GRAP2: variants seen among roughly 807,000 people sequenced by gnomAD.
GRAP2 encodes the protein GRB2 related adaptor protein 2.
A neutral mutation model predicts 43.5 loss-of-function variants in GRAP2; 31 were observed. That is an observed-to-expected ratio of 0.71 (90% confidence interval 0.54 to 0.96). The LOEUF is 0.96. Among genes scored for constraint, GRAP2 ranks in the 40% least tolerant of loss-of-function variants. The probability of loss-of-function intolerance (pLI) is 0.00; values close to 1 mark genes in which losing one functional copy is unlikely to be tolerated. For missense variants in GRAP2, 371 were observed against 424.4 expected (o/e 0.87, Z 1.11); for synonymous variants, 156 against 164.8 (o/e 0.95, Z 0.41).
At chr22:39,948,620 A>C (rs2066949680) in intron 2 of GRAP2, 1 of 151,682 alleles carries the variant, frequency 6.6e-6, no homozygotes, top group South Asian at 2.1e-4. Context: ...AATTCTCTAC[A>C]CTGGGCGTGC....
intron 3 of GRAP2, among the ~76,000 whole-genome samples, chr22:39,957,488 C>T (rs1259861926): frequency 6.6e-6 from 1 of 152,196 alleles, no homozygotes; most frequent in East Asian, 1.9e-4. Context: ...CTGCAGCTGG[C>T]TGGAAGGAAC....
intron 1 of GRAP2, among the ~76,000 whole-genome samples, chr22:39,936,158 G>A (rs2145615302): frequency 6.6e-6 from 1 of 152,292 alleles, no homozygotes; most frequent in African/African-American, 2.4e-5. Flanking sequence ...CTGTCTGTCT[G>A]TCTGTCTCTC....
Position 39,970,984 on chromosome 22 carries a change from T to C in GRAP2, c.893T>C (p.Val298Ala). 6.2e-7 allele frequency: 1 copy of C among 1,613,686 alleles called. No individual in the cohort carries two copies. Among genetic ancestry groups the C allele is most frequent in the Non-Finnish European group, 8.5e-7 (1 of 1,179,846 alleles). ...CTGGGGTTCCACAGCGGGGAGGTGG[T>C]GGAGGTCCTGGATAGCTCCAACCCA... ...DELGFHSGEVVEVLDSSNPSW... is the reference protein window; with the variant it reads ...DELGFHSGEVAEVLDSSNPSW... The change falls in exon 8 of 8, where the codon GTG becomes GCG. Residue 298 changes from valine to alanine, a missense_variant. Coordinates refer to ENST00000344138, the MANE Select transcript of GRAP2 (RefSeq NM_004810.4).
chr22:39,914,333 T>G (rs2066587903), intron 1 of GRAP2, among the ~76,000 whole-genome samples: 1 of 152,186 alleles, frequency 6.6e-6, no homozygotes, highest in Admixed American at 6.5e-5. Flanking sequence ...ACATTTTGGT[T>G]GTTCAGCAAA....
intron 5 of GRAP2, 91 bp from the exon 6 acceptor site, chr22:39,967,951 G>A (rs1477231311): frequency 1.8e-5 from 26 of 1,485,608 alleles, no homozygotes; most frequent in South Asian, 2.8e-5. Context: ...AGCCAGATGA[G>A]CAGGGTCTGG....
chr22:39,945,045 CT>C (rs2145632844), intron 1 of GRAP2, among the ~76,000 whole-genome samples: 1 of 152,248 alleles, frequency 6.6e-6, no homozygotes, highest in South Asian at 2.1e-4. Context: ...TAGAAGAAGC[CT>C]TGTGTGTTAA....
upstream of GRAP2, among the ~76,000 whole-genome samples, chr22:39,896,100 AT>A (rs1220648136): frequency 6.6e-6 from 1 of 152,132 alleles, no homozygotes; most frequent in Non-Finnish European, 1.5e-5. Context: ...AGAGATTCCA[AT>A]TTTTTATTTT....
Position 39,948,693 on chromosome 22 carries a change from A to C in GRAP2, c.78+1509A>C, listed in dbSNP as rs533948233. 1.3e-3 allele frequency among the ~76,000 whole-genome samples: 198 copies of C among 152,150 alleles called. 2 individuals are homozygous for C. The Middle Eastern group carries it at 0.014, about 10-fold the overall frequency. On this transcript the variant is annotated intron_variant, in intron 2 of 7. Transcript: ENST00000344138. ...GGAATCTGCCTTTTACCCTCCCTGC[A>C]ACATTCTCTTGAAGTTCACCAGTGA...
chr22:39,918,036 A>G (rs1490981483), intron 1 of GRAP2, among the ~76,000 whole-genome samples: 6 of 152,170 alleles, frequency 3.9e-5, no homozygotes, highest in Non-Finnish European at 7.3e-5. Context: ...ATTTTTAGGC[A>G]TTATCTGATT....
At chr22:39,948,266 T>A (rs2066945296) in intron 2 of GRAP2, 1 of 152,218 alleles carries the variant, frequency 6.6e-6, no homozygotes, top group Admixed American at 6.5e-5. Context: ...TGGCAAAGCA[T>A]AGGCCTTCAC....
chr22:39,903,375 C>T (rs2066504350), intron 1 of GRAP2, among the ~76,000 whole-genome samples: 1 of 151,656 alleles, frequency 6.6e-6, no homozygotes, highest in Non-Finnish European at 1.5e-5. Context: ...CTTGGCTGGG[C>T]GCGGTGGCTC....
In GRAP2 at chr22:39,966,113, C is replaced by T. The variant is rs2067170492; in HGVS notation, c.414C>T (p.Ser138=). Residue 138 remains serine (S), a synonymous_variant, in exon 5 of 8, where the codon TCC becomes TCT. Transcript: ENST00000344138. ...ACTACTACAGGACAAATTCCATCTCCAGACAGAAGCAGATCTTCCTTAGAG... is the reference window on the plus strand; with the variant it reads ...ACTACTACAGGACAAATTCCATCTCTAGACAGAAGCAGATCTTCCTTAGAG... ...LVDYYRTNSI[S]RQKQIFLRDR... 8 of 1,613,984 alleles carry T rather than the reference C, an allele frequency of 5.0e-6. No individual in the cohort carries two copies. Among genetic ancestry groups the T allele is most frequent in the Non-Finnish European group, 6.8e-6 (8 of 1,179,948 alleles).
chr22:39,962,348 G>A (rs2067128158), intron 4 of GRAP2, among the ~76,000 whole-genome samples: 1 of 152,122 alleles, frequency 6.6e-6, no homozygotes, highest in East Asian at 1.9e-4. Context: ...TTGGAGCTGG[G>A]CGGTTGAGGT....
intron 1 of GRAP2, among the ~76,000 whole-genome samples, chr22:39,925,983 G>A (rs543251946): frequency 6.6e-6 from 1 of 152,296 alleles, no homozygotes; most frequent in African/African-American, 2.4e-5. Flanking sequence ...CCTCCTTGGA[G>A]CTCCATGCTA....
At chr22:39,949,331 T>G (rs1189131450) in intron 2 of GRAP2, among the ~76,000 whole-genome samples, 2 of 152,204 alleles carry the variant, frequency 1.3e-5, no homozygotes, top group Non-Finnish European at 2.9e-5. Flanking sequence ...CTAAGTGGTT[T>G]GCAGGCATGA....
chr22:39,969,669 T>C lies in GRAP2; in HGVS notation c.813+136T>C, dbSNP rs1353631857. On this transcript the variant is annotated intron_variant, in intron 7 of 7. Coordinates refer to ENST00000344138, the MANE Select transcript of GRAP2 (RefSeq NM_004810.4). ...TGGCTCACACCTGTAATCCCAACAC[T>C]TTGGGAGGCCAAGGCAGGTGGATCA... 3.4e-6 allele frequency: 3 copies of C among 872,532 alleles called. No homozygotes were observed. In the African/African-American group the frequency reaches 5.0e-5, roughly 15 times the overall value. 54.0% of individuals were successfully genotyped at this position (872,532 alleles called of 1,614,324 possible). A position where few individuals can be genotyped will look rare whatever the true frequency, so the allele number is the denominator to read the frequency against.
chr22:39,903,320 A>G (rs2145564629), intron 1 of GRAP2, among the ~76,000 whole-genome samples: 1 of 152,164 alleles, frequency 6.6e-6, no homozygotes, highest in Admixed American at 6.5e-5. Flanking sequence ...TGTCCATTTG[A>G]GGTATTTGCC....
chr22:39,940,383 GTT>G (rs137987), intron 1 of GRAP2, among the ~76,000 whole-genome samples: 1,645 of 131,436 alleles, frequency 0.013, 26 homozygotes, highest in African/African-American at 0.04. Context: ...TTTTTTGTTT[GTT>G]TTTTTTTTTT....
chr22:39,909,949 A>C (rs1439854347), intron 1 of GRAP2, among the ~76,000 whole-genome samples: 2 of 152,216 alleles, frequency 1.3e-5, no homozygotes, highest in African/African-American at 4.8e-5. Flanking sequence ...TGAAGTTTCC[A>C]TGGGGAATCC....
Sources: allele counts gnomAD v4.1 joint callset (sites outside exome capture counted in the v4.1 genomes callset), GRCh38; gene constraint gnomAD v4.1.1; transcripts MANE v1.5; gene names NCBI Gene and HGNC (gene_info 2026-07-23, HGNC 2026-07-21).